The following NOS1AP variants were observed in gnomAD, a reference collection of about 807,000 sequenced individuals.
NOS1AP encodes nitric oxide synthase 1 adaptor protein, also known as carboxyl-terminal PDZ ligand of neuronal nitric oxide synthase protein.
A neutral mutation model predicts 56.2 loss-of-function variants in NOS1AP; 21 were observed. The ratio of observed to expected loss-of-function variants is 0.37; its 90% confidence interval spans 0.26 to 0.54. NOS1AP has a LOEUF of 0.54. Ranked by LOEUF, NOS1AP falls within the 20% of genes least tolerant of loss-of-function variation. The pLI, the probability that NOS1AP is intolerant of heterozygous loss-of-function variation, is 0.84. For missense variants in NOS1AP, 522 were observed against 657.8 expected, an observed-to-expected ratio of 0.79 and a Z score of 2.26; for synonymous variants, 270 against 274.6, an observed-to-expected ratio of 0.98 and a Z score of 0.17.
chr1:162,243,059 C>T (rs1653540186), intron 2 of NOS1AP, among the ~76,000 whole-genome samples: 1 of 152,164 alleles, frequency 6.6e-6, no homozygotes, highest in Non-Finnish European at 1.5e-5. Flanking sequence ...TTATGATTGT[C>T]CCTAAGGGAG....
chr1:162,145,973 A>G (rs1890024), intron 1 of NOS1AP, among the ~76,000 whole-genome samples: 6,268 of 152,214 alleles, frequency 0.041, 227 homozygotes, highest in African/African-American at 0.091. Context: ...GCCATCTGCT[A>G]ACTGCTTTGG....
At chr1:162,210,999 G>A (rs1391651368) in intron 2 of NOS1AP, among the ~76,000 whole-genome samples, 2 of 152,208 alleles carry the variant, frequency 1.3e-5, no homozygotes, top group Admixed American at 6.5e-5. Flanking sequence ...AAGAAAGTTG[G>A]TCTCTTGCTA....
At chr1:162,141,570 C>G (rs1452067602) in intron 1 of NOS1AP, among the ~76,000 whole-genome samples, 1 of 152,218 alleles carries the variant, frequency 6.6e-6, no homozygotes, top group Non-Finnish European at 1.5e-5. Context: ...CTGTCCTCAT[C>G]ATCCATGTGT....
At chr1:162,233,302 G>A (rs938103823) in intron 2 of NOS1AP, among the ~76,000 whole-genome samples, 1 of 152,128 alleles carries the variant, frequency 6.6e-6, no homozygotes, top group East Asian at 1.9e-4. Flanking sequence ...CCACCCCAAT[G>A]CCTGTGGCTC....
intron 2 of NOS1AP, among the ~76,000 whole-genome samples, chr1:162,176,617 T>C (rs7523617): frequency 0.47 from 69,844 of 149,898 alleles, 17,739 homozygotes; most frequent in East Asian, 0.75. Context: ...CAAGCAATTC[T>C]CCTGCCTCAG....
chr1:162,075,119 T>C (rs1211057412), intron 1 of NOS1AP, among the ~76,000 whole-genome samples: 1 of 152,144 alleles, frequency 6.6e-6, no homozygotes, highest in African/African-American at 2.4e-5. Flanking sequence ...CAAAATTCTG[T>C]TTTTTCCTCT....
At position 162,367,924 on chromosome 1, in the gene NOS1AP, C is replaced by T. The variant is rs1658152550; in HGVS notation, c.*457C>T. The T allele has an allele frequency of 6.0e-6, 1 of 165,454 alleles. No homozygotes were observed. The highest frequency in any genetic ancestry group is 1.3e-5 in the Non-Finnish European group (1 of 75,560). The allele number at this position is 165,454 out of a possible 1,614,324, so 10.2% of individuals were successfully genotyped here. ...TTTGTTTCTGGATATCACGATGCTG[C>T]GAGTTGCCTAACCCTCCCCCTACCT... On this transcript the variant is annotated 3_prime_UTR_variant, in exon 10 of 10. Coordinates refer to ENST00000361897, the MANE Select transcript of NOS1AP (RefSeq NM_014697.3). This position sits in a 1 kb window ranked among gnomAD's most constrained non-coding sequence, Gnocchi z 6.5.
intron 2 of NOS1AP, among the ~76,000 whole-genome samples, chr1:162,285,582 C>T (rs1655063743): frequency 6.7e-6 from 1 of 149,322 alleles, no homozygotes; most frequent in Non-Finnish European, 1.5e-5. Flanking sequence ...AGGTCCTGTC[C>T]TACCTAAGCC....
chr1:162,289,302 T>C (rs984256549), intron 3 of NOS1AP, among the ~76,000 whole-genome samples: 1 of 147,122 alleles, frequency 6.8e-6, no homozygotes, highest in Non-Finnish European at 1.5e-5. Context: ...TCTTCCTTCT[T>C]TCTTTCTTTC....
At chr1:162,127,849 C>T (rs1648558431) in intron 1 of NOS1AP, among the ~76,000 whole-genome samples, 1 of 152,206 alleles carries the variant, frequency 6.6e-6, no homozygotes, top group Non-Finnish European at 1.5e-5. Flanking sequence ...CTGGGGATTA[C>T]AATTCGACAT....
intron 2 of NOS1AP, among the ~76,000 whole-genome samples, chr1:162,164,608 A>C (rs1446973354): frequency 6.6e-6 from 1 of 152,248 alleles, no homozygotes; most frequent in Admixed American, 6.5e-5. Flanking sequence ...GTGAAATCTC[A>C]TGTATTTGTC....
chr1:162,354,505 T>C (rs1657628420), intron 6 of NOS1AP, among the ~76,000 whole-genome samples: 1 of 152,006 alleles, frequency 6.6e-6, no homozygotes, highest in Admixed American at 6.6e-5. Flanking sequence ...AAGGAAGAAA[T>C]GTGGGAAGTA....
chr1:162,305,859 A>G (rs900806150), intron 4 of NOS1AP, among the ~76,000 whole-genome samples: 31 of 152,242 alleles, frequency 2.0e-4, no homozygotes, highest in Non-Finnish European at 4.4e-5. Flanking sequence ...TTTTTAATTC[A>G]GGTTTTACTC....
At chr1:162,208,348 C>G (rs1345885321) in intron 2 of NOS1AP, among the ~76,000 whole-genome samples, 2 of 152,196 alleles carry the variant, frequency 1.3e-5, no homozygotes, top group Non-Finnish European at 2.9e-5. Context: ...TTTCATGTAG[C>G]CTTGAGAGAA....
chr1:162,234,490 G>A (rs1449493809), intron 2 of NOS1AP, among the ~76,000 whole-genome samples: 2 of 152,110 alleles, frequency 1.3e-5, no homozygotes, highest in Non-Finnish European at 2.9e-5. Context: ...GTCTTGTGAA[G>A]TTGGCAAGAT....
At chr1:162,344,888 A>G (rs1294548372) in intron 6 of NOS1AP, among the ~76,000 whole-genome samples, 1 of 152,240 alleles carries the variant, frequency 6.6e-6, no homozygotes, top group Non-Finnish European at 1.5e-5. Flanking sequence ...GTTCAATAAC[A>G]CATACAGCTA....
At chr1:162,081,774 A>ATATATTTTTTTTTTTTTTTTTTT in intron 1 of NOS1AP, among the ~76,000 whole-genome samples, 31 of 44,002 alleles carry the variant, frequency 7.0e-4, no homozygotes, top group Admixed American at 1.3e-3. Flanking sequence ...ATATATATAT[A>ATATATTTTTTTTTTTTTTTTTTT]TTTTTTTTTT....
chr1:162,169,211 A>G (rs1215748737), intron 2 of NOS1AP, among the ~76,000 whole-genome samples: 1 of 152,144 alleles, frequency 6.6e-6, no homozygotes, highest in Non-Finnish European at 1.5e-5. Flanking sequence ...TTTTCTCTTC[A>G]GCATCTGCTG....
At chr1:162,282,624 A>G (rs12027674) in intron 2 of NOS1AP, among the ~76,000 whole-genome samples, 43,865 of 151,898 alleles carry the variant, frequency 0.29, 6,751 homozygotes, top group East Asian at 0.59. Context: ...CCTTTGGTAG[A>G]GGTGCTTATG....
Sources: gnomAD v4.1 joint callset for allele counts (sites outside exome capture counted in the v4.1 genomes callset) on GRCh38, gnomAD v4.1.1 for gene constraint, Gnocchi (gnomAD v3.1) non-coding constraint, MANE v1.5 for transcripts, NCBI Gene and HGNC (gene_info 2026-07-23, HGNC 2026-07-21) for gene names.